PARD3: variants seen among roughly 807,000 people sequenced by gnomAD.
PARD3 encodes partitioning defective 3 homolog.
PARD3 carries 75 observed loss-of-function variants against 155.4 expected under a neutral mutation model. The ratio of observed to expected loss-of-function variants is 0.48; its 90% CI spans 0.40 to 0.58. PARD3 has a LOEUF of 0.58. Ranked by LOEUF, PARD3 falls within the 20% of genes least tolerant of loss-of-function variation. PARD3 has a pLI of 0.00. For synonymous variants in PARD3, 576 were observed against 610.5 expected, an observed-to-expected ratio of 0.94 and a Z score of 0.83; for missense variants, 1,642 against 1,721.7, an observed-to-expected ratio of 0.95 and a Z score of 0.82.
chr10:34,395,724 C>T (rs1414388487), intron 7 of PARD3, among the ~76,000 whole-genome samples: 1 of 79,756 alleles, frequency 1.3e-5, no homozygotes, highest in East Asian at 2.9e-4. Context: ...GTAGTCCCAG[C>T]TACTCGGGAG....
chr10:34,709,265 C>T (rs984567462), intron 1 of PARD3, among the ~76,000 whole-genome samples: 4 of 152,088 alleles, frequency 2.6e-5, no homozygotes, highest in Admixed American at 6.5e-5. Context: ...ATTTTTTACA[C>T]GAAACCAAGT....
At chr10:34,315,912 C>T (rs1400240346) in intron 20 of PARD3, among the ~76,000 whole-genome samples, 1 of 152,166 alleles carries the variant, frequency 6.6e-6, no homozygotes, top group Non-Finnish European at 1.5e-5. Flanking sequence ...TAATATAAGT[C>T]TAGAGTTAAC....
intron 1 of PARD3, among the ~76,000 whole-genome samples, chr10:34,717,026 A>C (rs1039286778): frequency 6.6e-6 from 1 of 152,026 alleles, no homozygotes; most frequent in Admixed American, 6.6e-5. Flanking sequence ...AGATAACACC[A>C]CTTCTTCCAG....
intron 22 of PARD3, among the ~76,000 whole-genome samples, chr10:34,252,758 C>CTA (rs10631689): frequency 0.14 from 21,612 of 149,584 alleles, 1,681 homozygotes; most frequent in African/African-American, 0.19. Context: ...GTATGTATGT[C>CTA]TATATATATA....
intron 2 of PARD3, among the ~76,000 whole-genome samples, chr10:34,518,934 T>C (rs546043921): frequency 3.9e-5 from 6 of 152,190 alleles, no homozygotes; most frequent in Non-Finnish European, 7.3e-5. Flanking sequence ...ACGTCATTCA[T>C]AGTAAGATGC....
chr10:34,471,699 C>T (rs1190293066), intron 3 of PARD3, among the ~76,000 whole-genome samples: 1 of 152,098 alleles, frequency 6.6e-6, no homozygotes, highest in Non-Finnish European at 1.5e-5. Flanking sequence ...CAGGCTACTA[C>T]AAGTGTGCAC....
intron 2 of PARD3, among the ~76,000 whole-genome samples, chr10:34,671,639 A>G (rs2093611606): frequency 6.6e-6 from 1 of 152,226 alleles, no homozygotes. Context: ...AACATCAAGA[A>G]AAGCAGAAAC....
At chr10:34,138,916 T>C (rs1948039925) in intron 22 of PARD3, among the ~76,000 whole-genome samples, 1 of 151,644 alleles carries the variant, frequency 6.6e-6, no homozygotes, top group African/African-American at 2.4e-5. Context: ...AAAAGTTAAT[T>C]TCCAAATTGT....
intron 12 of PARD3, among the ~76,000 whole-genome samples, chr10:34,366,340 T>A (rs938824571): frequency 6.6e-6 from 1 of 152,184 alleles, no homozygotes; most frequent in Non-Finnish European, 1.5e-5. Flanking sequence ...TCTGAGCACA[T>A]GAGGTAGGGT....
At chr10:34,715,071 C>G (rs1002501686) in intron 1 of PARD3, among the ~76,000 whole-genome samples, 3 of 144,912 alleles carry the variant, frequency 2.1e-5, no homozygotes, top group Middle Eastern at 3.3e-3. Flanking sequence ...CACACCTAGC[C>G]TAACCTTTTT....
At chr10:34,166,463 T>G (rs998133143) in intron 22 of PARD3, among the ~76,000 whole-genome samples, 1 of 151,890 alleles carries the variant, frequency 6.6e-6, no homozygotes, top group Non-Finnish European at 1.5e-5. Flanking sequence ...AAATATATAT[T>G]TTTTAATTAG....
intron 2 of PARD3, among the ~76,000 whole-genome samples, chr10:34,684,774 TACATACAC>T (rs1443375551): frequency 1.0e-4 from 11 of 109,128 alleles, no homozygotes; most frequent in Admixed American, 3.3e-4. Context: ...GGCTTGATGA[TACATACAC>T]ACACACACAC....
At chr10:34,512,505 T>G (rs1056732624) in intron 3 of PARD3, among the ~76,000 whole-genome samples, 3 of 152,182 alleles carry the variant, frequency 2.0e-5, no homozygotes, top group African/African-American at 7.2e-5. Flanking sequence ...TCCAGGATGA[T>G]CCCATACATT....
At chr10:34,435,008 A>G (rs2076118544) in intron 5 of PARD3, among the ~76,000 whole-genome samples, 1 of 152,238 alleles carries the variant, frequency 6.6e-6, no homozygotes, top group African/African-American at 2.4e-5. Context: ...TAAGAGATAG[A>G]AAACCAAAAT....
intron 22 of PARD3, among the ~76,000 whole-genome samples, chr10:34,267,115 C>T (rs1301740459): frequency 9.2e-6 from 1 of 108,374 alleles, no homozygotes; most frequent in African/African-American, 3.7e-5. Context: ...AATAATATGT[C>T]AACTAATTTT....
rs751337025 is a variant in PARD3 at position 34,269,753 on chromosome 10, T to C, written c.3323A>G (p.Asn1108Ser). ...VSSYEGSMAL[N>S]ARPQSPREGH... ...TTCTCGTGGGCTCTGAGGTCTAGCG[T>C]TGAGAGCCATGGAACCTTCATAAGA... The change falls in exon 22 of 25, where the codon AAC becomes AGC. Residue 1108 changes from asparagine to serine, a missense_variant. Asn to Ser is a conservative substitution (Grantham distance 46). Coordinates refer to ENST00000374788, the MANE Select transcript of PARD3 (RefSeq NM_001184785.2). The C allele has an allele frequency of 6.2e-7, 1 of 1,613,994 alleles. No homozygotes were observed. Among genetic ancestry groups the C allele is most frequent in the East Asian group, 2.2e-5 (1 of 44,866 alleles).
chr10:34,781,653 G>A (rs537917085), intron 1 of PARD3, among the ~76,000 whole-genome samples: 2 of 152,294 alleles, frequency 1.3e-5, no homozygotes, highest in South Asian at 4.1e-4. Flanking sequence ...AATTCAGGTG[G>A]GGCCTCTGGG....
intron 1 of PARD3, among the ~76,000 whole-genome samples, chr10:34,765,154 GA>G (rs1837929278): frequency 6.6e-6 from 1 of 152,082 alleles, no homozygotes; most frequent in Admixed American, 6.5e-5. Flanking sequence ...TCAACGCACT[GA>G]TTTTCTGGTA....
intron 24 of PARD3, among the ~76,000 whole-genome samples, chr10:34,116,109 C>A (rs1946658069): frequency 6.6e-6 from 1 of 152,208 alleles, no homozygotes; most frequent in Non-Finnish European, 1.5e-5. Flanking sequence ...ACACAGGTCC[C>A]TTTTCCTGCC....
Sources: gnomAD v4.1 joint callset for allele counts (sites outside exome capture counted in the v4.1 genomes callset) on GRCh38, gnomAD v4.1.1 for gene constraint, MANE v1.5 for transcripts, NCBI Gene and HGNC (gene_info 2026-07-23, HGNC 2026-07-21) for gene names.